Variants in STXBP5L observed in about 807,000 individuals in gnomAD.
The protein encoded by STXBP5L is syntaxin-binding protein 5-like.
Under a neutral mutation model 144.5 loss-of-function variants are expected in STXBP5L, and 65 were observed. The observed-to-expected ratio is 0.45, with a 90% CI of 0.37 to 0.55. The LOEUF (loss-of-function observed/expected upper bound fraction) is 0.55. Among genes scored for constraint, STXBP5L ranks in the 20% least tolerant of loss-of-function variants. The pLI, the probability that STXBP5L is intolerant of heterozygous loss-of-function variation, is 0.00. For missense variants in STXBP5L, 1,298 were observed against 1,405.5 expected (o/e 0.92, Z 1.22); for synonymous variants, 505 against 469.6 (o/e 1.08, Z -0.97).
chr3:121,185,152 T>G (rs914122768), intron 9 of STXBP5L, among the ~76,000 whole-genome samples: 4 of 152,212 alleles, frequency 2.6e-5, no homozygotes, highest in Non-Finnish European at 4.4e-5. Flanking sequence ...CTGCAACTTG[T>G]AAATTTGTTT....
intron 14 of STXBP5L, among the ~76,000 whole-genome samples, chr3:121,247,005 A>G (rs771333329): frequency 2.0e-5 from 3 of 152,216 alleles, no homozygotes; most frequent in Non-Finnish European, 4.4e-5. Flanking sequence ...GATGGTGTCA[A>G]TGTGACAACT....
chr3:121,267,834 A>G (rs2050619712), intron 18 of STXBP5L, among the ~76,000 whole-genome samples: 1 of 152,248 alleles, frequency 6.6e-6, no homozygotes, highest in African/African-American at 2.4e-5. Flanking sequence ...CATTAGAGAA[A>G]TGCAAATTAA....
At chr3:121,307,632 C>G (rs2043381625) in intron 19 of STXBP5L, among the ~76,000 whole-genome samples, 3 of 151,356 alleles carry the variant, frequency 2.0e-5, no homozygotes, top group African/African-American at 7.3e-5. Context: ...TTCTGAAGGA[C>G]AGAGAGAAAA....
At chr3:121,098,357 A>G (rs909540362) in intron 5 of STXBP5L, among the ~76,000 whole-genome samples, 1 of 152,170 alleles carries the variant, frequency 6.6e-6, no homozygotes, top group Non-Finnish European at 1.5e-5. Flanking sequence ...GGAGCAAGAG[A>G]GAGAGGCAGG....
chr3:121,188,713 G>A (rs2047504798), intron 9 of STXBP5L, among the ~76,000 whole-genome samples: 1 of 152,114 alleles, frequency 6.6e-6, no homozygotes, highest in African/African-American at 2.4e-5. Context: ...AAAACCACAT[G>A]ATTATCTCAA....
At chr3:120,987,186 TAAG>T (rs1942370339) in intron 3 of STXBP5L, among the ~76,000 whole-genome samples, 1 of 151,968 alleles carries the variant, frequency 6.6e-6, no homozygotes, top group Non-Finnish European at 1.5e-5. Context: ...TTTAATTTTC[TAAG>T]AAGATGCCAA....
At chr3:121,258,243 A>G (rs2050273099) in intron 17 of STXBP5L, among the ~76,000 whole-genome samples, 2 of 152,242 alleles carry the variant, frequency 1.3e-5, no homozygotes, top group African/African-American at 4.8e-5. Context: ...TTCTAGTGTT[A>G]GCTGGCTGGA....
intron 5 of STXBP5L, among the ~76,000 whole-genome samples, chr3:121,105,110 C>G (rs1432407662): frequency 6.6e-6 from 1 of 151,856 alleles, no homozygotes; most frequent in Non-Finnish European, 1.5e-5. Context: ...AAAAGATGTA[C>G]AAGTGGACTG....
chr3:121,352,016 G>A (rs1414003095), intron 20 of STXBP5L, among the ~76,000 whole-genome samples: 1 of 152,046 alleles, frequency 6.6e-6, no homozygotes, highest in African/African-American at 2.4e-5. Flanking sequence ...TTATTTCTGA[G>A]GGCTCTATTC....
Position 121,392,174 on chromosome 3 carries a change from A to G in STXBP5L, c.2587+10642A>G, listed in dbSNP as rs375072297. On this transcript the variant is annotated intron_variant, in intron 22 of 26. Coordinates refer to ENST00000471454, the MANE Select transcript of STXBP5L (RefSeq NM_001308330.2). ...AATCTCAGACTGCTGTGCTAGCAGT[A>G]AGCAAGGCTCCATGGGCATGGGACC... Among the ~76,000 whole-genome samples, 23 of 152,230 alleles carry G rather than the reference A, an allele frequency of 1.5e-4. No individual in the cohort carries two copies. In the South Asian group the frequency reaches 1.7e-3, roughly 11 times the overall value.
At chr3:121,388,024 C>T (rs1014374257) in intron 22 of STXBP5L, among the ~76,000 whole-genome samples, 1 of 152,204 alleles carries the variant, frequency 6.6e-6, no homozygotes, top group Non-Finnish European at 1.5e-5. Flanking sequence ...TTGATTCTTC[C>T]TATCCATGAG....
At chr3:121,311,757 G>C (rs1324474737) in intron 19 of STXBP5L, among the ~76,000 whole-genome samples, 1 of 152,168 alleles carries the variant, frequency 6.6e-6, no homozygotes, top group Non-Finnish European at 1.5e-5. Flanking sequence ...CGTGAAAATG[G>C]CCATATTGCC....
chr3:120,980,049 T>C (rs1277046818), intron 3 of STXBP5L, among the ~76,000 whole-genome samples: 1 of 152,214 alleles, frequency 6.6e-6, no homozygotes, highest in Non-Finnish European at 1.5e-5. Context: ...TCTGTTGGTG[T>C]TGATTTCCAG....
At chr3:121,356,384 A>G (rs2045514469) in intron 20 of STXBP5L, among the ~76,000 whole-genome samples, 1 of 152,214 alleles carries the variant, frequency 6.6e-6, no homozygotes, top group Non-Finnish European at 1.5e-5. Flanking sequence ...TACCTACTGA[A>G]GCCTCAGCAA....
At chr3:121,205,160 GT>G (rs746160856) in intron 9 of STXBP5L, among the ~76,000 whole-genome samples, 1 of 152,120 alleles carries the variant, frequency 6.6e-6, no homozygotes, top group Non-Finnish European at 1.5e-5. Flanking sequence ...TGTTGTCCTA[GT>G]CTGTTTCATG....
At chr3:120,950,167 G>A (rs139865562) in intron 2 of STXBP5L, among the ~76,000 whole-genome samples, 7 of 151,880 alleles carry the variant, frequency 4.6e-5, no homozygotes, top group Non-Finnish European at 8.8e-5. Context: ...ATATTTAAAC[G>A]TACGATCCAT....
intron 9 of STXBP5L, among the ~76,000 whole-genome samples, chr3:121,162,134 G>T (rs544189056): frequency 1.1e-4 from 17 of 152,116 alleles, no homozygotes; most frequent in Non-Finnish European, 2.1e-4. Context: ...TAATGTACAT[G>T]TGAAGTATTA....
intron 5 of STXBP5L, among the ~76,000 whole-genome samples, chr3:121,113,355 A>G (rs1016931301): frequency 1.1e-4 from 17 of 152,170 alleles, no homozygotes; most frequent in African/African-American, 3.9e-4. Context: ...TTGAAAATTG[A>G]TTCTTCATTG....
At chr3:121,087,576 G>A (rs1238458336) in intron 5 of STXBP5L, among the ~76,000 whole-genome samples, 1 of 151,960 alleles carries the variant, frequency 6.6e-6, no homozygotes, top group Admixed American at 6.6e-5. Context: ...TATTCAAAGT[G>A]TATTTCTTAT....
Sources: gnomAD v4.1 joint callset for allele counts (sites outside exome capture counted in the v4.1 genomes callset) on GRCh38, gnomAD v4.1.1 for gene constraint, MANE v1.5 for transcripts, NCBI Gene and HGNC (gene_info 2026-07-23, HGNC 2026-07-21) for gene names.